The following MSRB3 variants were observed in gnomAD, a reference collection of about 807,000 sequenced individuals.
The protein encoded by MSRB3 is methionine sulfoxide reductase B3.
Under a neutral mutation model 21.0 loss-of-function variants are expected in MSRB3, and 13 were observed. The ratio of observed to expected loss-of-function variants is 0.62; its 90% CI spans 0.40 to 0.98. The LOEUF (loss-of-function observed/expected upper bound fraction) is 0.98, where lower values mean the gene tolerates loss of function less well. Among genes scored for constraint, MSRB3 ranks in the 50% least tolerant of loss-of-function variants. MSRB3 has a pLI of 0.00. For synonymous variants in MSRB3, 87 were observed against 88.6 expected (o/e 0.98, Z 0.10); for missense variants, 199 against 230.3 (o/e 0.86, Z 0.88).
chr12:65,422,440 T>A (rs1209441270), intron 5 of MSRB3, among the ~76,000 whole-genome samples: 253 of 120,362 alleles, frequency 2.1e-3, no homozygotes, highest in Non-Finnish European at 3.1e-3. Flanking sequence ...ATTTATTTAT[T>A]TATTTATGGG....
intron 2 of MSRB3, among the ~76,000 whole-genome samples, chr12:65,321,419 T>C (rs1293982386): frequency 6.6e-6 from 1 of 152,168 alleles, no homozygotes; most frequent in Non-Finnish European, 1.5e-5. Context: ...CTTGGATCAG[T>C]GGTCCTCAAA....
At chr12:65,362,646 G>T (rs1479521787) in intron 4 of MSRB3, among the ~76,000 whole-genome samples, 1 of 152,076 alleles carries the variant, frequency 6.6e-6, no homozygotes, top group African/African-American at 2.4e-5. Flanking sequence ...GGAATGACTG[G>T]TGCTATGAAA....
chr12:65,320,788 C>T (rs1301524047), intron 2 of MSRB3, among the ~76,000 whole-genome samples: 2 of 152,242 alleles, frequency 1.3e-5, no homozygotes, highest in African/African-American at 2.4e-5. Context: ...TATTAAGATA[C>T]GTAGTTGTAA....
In MSRB3 at chr12:65,320,749, TA is replaced by T. The variant is rs1233970021; in HGVS notation, c.77-6070del. Among the ~76,000 whole-genome samples the T allele has an allele frequency of 3.3e-5, 5 of 152,252 alleles. No individual in the cohort carries two copies. The East Asian group carries it at 9.6e-4, about 29-fold the overall frequency. On this transcript the variant is annotated intron_variant, in intron 2 of 6. Transcript: ENST00000308259. ...TATTCACTAAACTTTCTCTTGGAAG[TA>T]AAAAAAGGTAATGCTAAACAATGCC...
At chr12:65,288,882 C>T (rs1005458004) in intron 1 of MSRB3, among the ~76,000 whole-genome samples, 3 of 152,148 alleles carry the variant, frequency 2.0e-5, no homozygotes, top group African/African-American at 7.2e-5. Flanking sequence ...AAAGTATCTT[C>T]TCTTGCCTGT....
At chr12:65,347,137 T>C (rs11175734) in intron 4 of MSRB3, among the ~76,000 whole-genome samples, 16,518 of 152,254 alleles carry the variant, frequency 0.11, 1,087 homozygotes, top group East Asian at 0.28. Flanking sequence ...CATTGGTAGC[T>C]TTATGGGGCT....
rs1183413831 is a variant in MSRB3 at position 65,326,854 on chromosome 12, G to A, written c.105G>A (p.Lys35=). 1 of 1,611,930 alleles carries A rather than the reference G, an allele frequency of 6.2e-7. No homozygotes were observed. The highest frequency in any genetic ancestry group is 1.7e-4 in the Middle Eastern group (1 of 6,058). The change falls in exon 3 of 7, where the codon AAG becomes AAA. Residue 35 remains lysine (K), a synonymous_variant. Coordinates refer to ENST00000308259, the MANE Select transcript of MSRB3 (RefSeq NM_001031679.3). ...CGTGTAGGGATAAAAAGAACTGTAA[G>A]GTGGTCTTTTCCCAGCAGGAACTGA... ...SGSCRDKKNC[K]VVFSQQELRK...
intron 2 of MSRB3, among the ~76,000 whole-genome samples, chr12:65,313,213 T>G (rs1187415116): frequency 6.6e-6 from 1 of 152,144 alleles, no homozygotes; most frequent in Non-Finnish European, 1.5e-5. Context: ...AAATTATTGT[T>G]TGTTGTGCTT....
intron 4 of MSRB3, among the ~76,000 whole-genome samples, chr12:65,356,731 T>C (rs1378612110): frequency 1.3e-5 from 2 of 151,954 alleles, no homozygotes; most frequent in Non-Finnish European, 2.9e-5. Flanking sequence ...CTTAAAAGTA[T>C]AGATTTCCAA....
chr12:65,372,214 C>T (rs1878368123), intron 5 of MSRB3, among the ~76,000 whole-genome samples: 1 of 152,084 alleles, frequency 6.6e-6, no homozygotes, highest in Non-Finnish European at 1.5e-5. Context: ...CAGTTGAAAA[C>T]TCTTTGAAAG....
intron 6 of MSRB3, among the ~76,000 whole-genome samples, chr12:65,460,145 C>A (rs1223787041): frequency 6.6e-6 from 1 of 152,242 alleles, no homozygotes; most frequent in African/African-American, 2.4e-5. Context: ...TCAGAGATTT[C>A]TTCATCGAGC....
intron 4 of MSRB3, among the ~76,000 whole-genome samples, chr12:65,351,579 GA>G (rs1182641588): frequency 6.7e-6 from 1 of 149,112 alleles, no homozygotes; most frequent in Admixed American, 6.6e-5. Context: ...GACTAATAAA[GA>G]AAAAAAGAGA....
In MSRB3 at chr12:65,383,887, G is replaced by A. The variant is rs532530990; in HGVS notation, c.292+14861G>A. 1.9e-4 allele frequency among the ~76,000 whole-genome samples: 29 copies of A among 152,266 alleles called. 1 individual carries two copies. The East Asian group carries it at 4.4e-3, about 23-fold the overall frequency. Reference sequence around the variant, plus strand: ...TTGGCCAGGCTGGTCTCGAACTCCTGAACTCAGGTGATCCACCCGCCTCGG... The same window carrying A: ...TTGGCCAGGCTGGTCTCGAACTCCTAAACTCAGGTGATCCACCCGCCTCGG... On this transcript the variant is annotated intron_variant, in intron 5 of 6. Coordinates refer to ENST00000308259, the MANE Select transcript of MSRB3 (RefSeq NM_001031679.3).
chr12:65,324,789 A>G (rs1003243575), intron 2 of MSRB3, among the ~76,000 whole-genome samples: 7 of 152,238 alleles, frequency 4.6e-5, no homozygotes, highest in African/African-American at 1.7e-4. Flanking sequence ...GGAAATTGCA[A>G]TCCAATACCA....
chr12:65,431,583 T>G (rs1234144417), intron 5 of MSRB3, among the ~76,000 whole-genome samples: 1 of 152,056 alleles, frequency 6.6e-6, no homozygotes, highest in Non-Finnish European at 1.5e-5. Flanking sequence ...TCCTTTTACT[T>G]TTTTCTTCTT....
chr12:65,454,848 A>G (rs1466281389), intron 6 of MSRB3, among the ~76,000 whole-genome samples: 1 of 152,210 alleles, frequency 6.6e-6, no homozygotes, highest in Non-Finnish European at 1.5e-5. Flanking sequence ...ACTTGTGGGT[A>G]TTTTGTGCTT....
At chr12:65,370,327 G>A (rs1184735921) in intron 5 of MSRB3, among the ~76,000 whole-genome samples, 2 of 152,108 alleles carry the variant, frequency 1.3e-5, no homozygotes, top group Non-Finnish European at 2.9e-5. Flanking sequence ...GAATAAAGTT[G>A]ATGGAGAGTG....
chr12:65,305,822 T>A (rs1012218974), intron 1 of MSRB3, among the ~76,000 whole-genome samples: 21 of 152,202 alleles, frequency 1.4e-4, no homozygotes, highest in African/African-American at 4.8e-4. Context: ...TTTTCTGGCC[T>A]AAATAGGATT....
chr12:65,380,263 C>T lies in MSRB3; in HGVS notation c.292+11237C>T, dbSNP rs527270323. ...ATGTATTTGAGGAACAGTAAGTAAACCAACTTGCCAGAACTGGAGTATTTT... is the reference window on the plus strand; with the variant it reads ...ATGTATTTGAGGAACAGTAAGTAAATCAACTTGCCAGAACTGGAGTATTTT... On this transcript the variant is annotated intron_variant, in intron 5 of 6. Transcript: ENST00000308259. Among the ~76,000 whole-genome samples, 14 of 152,252 alleles carry T rather than the reference C, an allele frequency of 9.2e-5. 1 individual carries two copies. The East Asian group carries it at 2.7e-3, about 29-fold the overall frequency.
Sources: allele counts gnomAD v4.1 joint callset (sites outside exome capture counted in the v4.1 genomes callset), GRCh38; gene constraint gnomAD v4.1.1; transcripts MANE v1.5; gene names NCBI Gene and HGNC (gene_info 2026-07-23, HGNC 2026-07-21).